The following PRKN variants were observed in gnomAD, a reference collection of about 807,000 sequenced individuals.
The protein encoded by PRKN is E3 ubiquitin-protein ligase parkin.
Under a neutral mutation model 59.5 loss-of-function variants are expected in PRKN, and 56 were observed. The observed-to-expected ratio is 0.94, with a 90% CI of 0.76 to 1.18. PRKN has a LOEUF of 1.18. PRKN is among the 50% of genes most tolerant of loss of function. The pLI, the probability that PRKN is intolerant of heterozygous loss-of-function variation, is 0.00. For missense variants in PRKN, 657 were observed against 596.4 expected, an observed-to-expected ratio of 1.10 and a Z score of -1.06; for synonymous variants, 250 against 222.1, an observed-to-expected ratio of 1.13 and a Z score of -1.12.
intron 8 of PRKN, among the ~76,000 whole-genome samples, chr6:161,563,833 A>G (rs1780541179): frequency 6.6e-6 from 1 of 152,198 alleles, no homozygotes; most frequent in Non-Finnish European, 1.5e-5. Flanking sequence ...CTCACTTTCT[A>G]AGTGAGTATT....
At chr6:162,587,650 T>G (rs956238700) in intron 1 of PRKN, among the ~76,000 whole-genome samples, 3 of 152,162 alleles carry the variant, frequency 2.0e-5, no homozygotes, top group African/African-American at 7.2e-5. Context: ...ATGCAAAGAA[T>G]AGGTTAATCT....
chr6:162,044,808 C>A (rs776971534), intron 5 of PRKN, among the ~76,000 whole-genome samples: 7 of 152,216 alleles, frequency 4.6e-5, no homozygotes, highest in Non-Finnish European at 8.8e-5. Flanking sequence ...TCCATGAAGT[C>A]CTCTTTGATC....
rs761671896 is a variant in PRKN, at chr6:161,575,793, A to G, written c.872-6377T>C. 4.6e-5 allele frequency among the ~76,000 whole-genome samples: 7 copies of G among 152,212 alleles called. No homozygotes were observed. The highest frequency in any genetic ancestry group is 8.8e-5 in the Non-Finnish European group (6 of 68,044). On this transcript the variant is annotated intron_variant, in intron 7 of 11. Transcript: ENST00000366898. This position sits in a 1 kb window ranked among gnomAD's most constrained non-coding sequence, Gnocchi z 4.6. Reference sequence around the variant, plus strand: ...GAGGATTAATTTCTCTCTCGGCTATAGCTTAGAATCCCTAATGTGGGCTTG... The same window carrying G: ...GAGGATTAATTTCTCTCTCGGCTATGGCTTAGAATCCCTAATGTGGGCTTG...
chr6:161,510,032 C>G (rs1278651174), intron 9 of PRKN, among the ~76,000 whole-genome samples: 1 of 152,060 alleles, frequency 6.6e-6, no homozygotes, highest in East Asian at 1.9e-4. Context: ...GCATTCATGC[C>G]CTTGCCAGGA....
chr6:162,581,055 TGC>T (rs1201805183), intron 1 of PRKN, among the ~76,000 whole-genome samples: 2 of 152,116 alleles, frequency 1.3e-5, no homozygotes, highest in Admixed American at 6.6e-5. Context: ...GAGTCAAAAG[TGC>T]CACAGCAGGT....
At chr6:161,637,476 A>T (rs1451695970) in intron 7 of PRKN, among the ~76,000 whole-genome samples, 1 of 152,196 alleles carries the variant, frequency 6.6e-6, no homozygotes, top group Non-Finnish European at 1.5e-5. Flanking sequence ...ACATAATTTA[A>T]TGTCTCTGGC....
chr6:161,532,630 GA>G (rs1249313655), intron 9 of PRKN, among the ~76,000 whole-genome samples: 1 of 152,144 alleles, frequency 6.6e-6, no homozygotes, highest in African/African-American at 2.4e-5. Flanking sequence ...TTGAATAAAT[GA>G]GTTGAGGAAA....
At chr6:162,376,875 G>C (rs1786133935) in intron 2 of PRKN, among the ~76,000 whole-genome samples, 1 of 122,152 alleles carries the variant, frequency 8.2e-6, no homozygotes, top group African/African-American at 3.0e-5. Flanking sequence ...GGAGGAAGAG[G>C]GGGAGAGGGA....
intron 10 of PRKN, among the ~76,000 whole-genome samples, chr6:161,380,776 T>A (rs990219581): frequency 2.0e-5 from 3 of 152,174 alleles, no homozygotes; most frequent in Non-Finnish European, 4.4e-5. Context: ...TCTCAACATT[T>A]AAAAATAAAG....
intron 5 of PRKN, among the ~76,000 whole-genome samples, chr6:162,050,139 T>G (rs1488978899): frequency 6.6e-6 from 1 of 152,174 alleles, no homozygotes; most frequent in African/African-American, 2.4e-5. Flanking sequence ...ACCTCGCATG[T>G]CTCCTTTTTT....
intron 3 of PRKN, among the ~76,000 whole-genome samples, chr6:162,205,292 G>A (rs1784891807): frequency 6.6e-6 from 1 of 152,220 alleles, no homozygotes; most frequent in South Asian, 2.1e-4. Context: ...ATTGAATAGA[G>A]CCAATATTTG....
In PRKN at chr6:162,235,951, A is replaced by AAAGAAAGAAAG. The variant is rs1378929123; in HGVS notation, c.412+26573_412+26574insCTTTCTTTCTT. ...GAAGGAAGGAAGGAAGGAAGGAAGGAAGAAAGGAAGAAAGAAAGAAAGAAA... is the reference window on the plus strand; with the variant it reads ...GAAGGAAGGAAGGAAGGAAGGAAGGAAAGAAAGAAAGAGAAAGGAAGAAAGAAAGAAAGAAA... On this transcript the variant is annotated intron_variant, in intron 3 of 11. Transcript: ENST00000366898. 1.5e-4 allele frequency among the ~76,000 whole-genome samples: 14 copies of AAAGAAAGAAAG among 94,290 alleles called. 2 individuals carry two copies. Among genetic ancestry groups the AAAGAAAGAAAG allele is most frequent in the African/African-American group, 7.8e-4 (14 of 17,914 alleles). The allele number at this position is 94,290 out of a possible 152,430, so 61.9% of individuals were successfully genotyped here.
intron 2 of PRKN, chr6:162,270,762 T>G (rs1260253327): frequency 6.6e-6 from 1 of 152,188 alleles, no homozygotes; most frequent in Non-Finnish European, 1.5e-5. Context: ...AATAACACCT[T>G]AAATTGTCCT....
intron 7 of PRKN, among the ~76,000 whole-genome samples, chr6:161,783,207 T>C (rs1790281824): frequency 6.6e-6 from 1 of 152,158 alleles, no homozygotes; most frequent in Admixed American, 6.5e-5. Flanking sequence ...TTGGTGACTT[T>C]TCAATGAAAA....
At chr6:161,559,710 G>C (rs953668545) in intron 8 of PRKN, among the ~76,000 whole-genome samples, 1 of 152,184 alleles carries the variant, frequency 6.6e-6, no homozygotes, top group South Asian at 2.1e-4. Context: ...AGGTGATTCT[G>C]AGGGAAGGGT....
intron 2 of PRKN, among the ~76,000 whole-genome samples, chr6:162,346,677 G>A (rs768887936): frequency 2.0e-5 from 3 of 151,730 alleles, no homozygotes; most frequent in Non-Finnish European, 2.9e-5. Flanking sequence ...AGTTTGATAC[G>A]TTTTTAACCA....
intron 1 of PRKN, among the ~76,000 whole-genome samples, chr6:162,685,962 G>A (rs1779958607): frequency 6.6e-6 from 1 of 152,020 alleles, no homozygotes; most frequent in East Asian, 1.9e-4. Context: ...TGCAATAGAG[G>A]GTAAGCAAGC....
At chr6:162,051,032 C>T (rs558779219) in intron 5 of PRKN, among the ~76,000 whole-genome samples, 9 of 152,252 alleles carry the variant, frequency 5.9e-5, no homozygotes, top group Admixed American at 5.9e-4. Context: ...TGAGGAACCA[C>T]ACACGTCCTA....
chr6:162,248,545 C>G (rs186908798), intron 3 of PRKN, among the ~76,000 whole-genome samples: 39 of 152,194 alleles, frequency 2.6e-4, no homozygotes, highest in African/African-American at 8.9e-4. Flanking sequence ...GCCAGATACT[C>G]TGAACTACTG....
Sources: allele counts gnomAD v4.1 joint callset (sites outside exome capture counted in the v4.1 genomes callset), GRCh38; gene constraint gnomAD v4.1.1; non-coding constraint Gnocchi (gnomAD v3.1); transcripts MANE v1.5; gene names NCBI Gene and HGNC (gene_info 2026-07-23, HGNC 2026-07-21).